Variants in PJA2 observed in about 807,000 individuals in gnomAD.
PJA2 encodes praja ring finger ubiquitin ligase 2, also known as E3 ubiquitin-protein ligase Praja-2.
PJA2 carries 25 observed loss-of-function variants against 69.3 expected under a neutral mutation model. The ratio of observed to expected loss-of-function variants is 0.36; its 90% confidence interval spans 0.26 to 0.50. The LOEUF is 0.50. PJA2 is among the 20% of genes least tolerant of loss of function. The pLI is 0.96. For synonymous variants in PJA2, 308 were observed against 277.8 expected (o/e 1.11, Z -1.08); for missense variants, 809 against 830.2 (o/e 0.97, Z 0.31).
At chr5:109,368,957 G>A (rs182427474) in intron 4 of PJA2, among the ~76,000 whole-genome samples, 1 of 152,164 alleles carries the variant, frequency 6.6e-6, no homozygotes, top group African/African-American at 2.4e-5. Context: ...CCTTGGTACT[G>A]TTCTTGTGAT....
intron 7 of PJA2, among the ~76,000 whole-genome samples, chr5:109,346,068 C>CG (rs1762168724): frequency 6.6e-6 from 1 of 152,212 alleles, no homozygotes; most frequent in South Asian, 2.1e-4. Flanking sequence ...TCTGGGACTG[C>CG]ATAAGTCCTG....
chr5:109,399,571 T>C (rs1427029989), intron 1 of PJA2, among the ~76,000 whole-genome samples: 1 of 152,150 alleles, frequency 6.6e-6, no homozygotes, highest in Admixed American at 6.5e-5. Context: ...TCCAAACCCA[T>C]CTCAATCACG....
intron 4 of PJA2, among the ~76,000 whole-genome samples, chr5:109,371,589 A>C (rs1762676739): frequency 3.3e-5 from 5 of 152,180 alleles, no homozygotes; most frequent in Admixed American, 3.3e-4. Context: ...TCAATTATTA[A>C]TTGGTGTTCC....
chr5:109,406,415 G>A (rs1283213105), intron 1 of PJA2, among the ~76,000 whole-genome samples: 1 of 152,136 alleles, frequency 6.6e-6, no homozygotes, highest in Non-Finnish European at 1.5e-5. Flanking sequence ...ACATACACTA[G>A]AGCAAATTCT....
chr5:109,350,099 A>G (rs1214005943), intron 7 of PJA2, among the ~76,000 whole-genome samples: 3 of 152,152 alleles, frequency 2.0e-5, no homozygotes, highest in African/African-American at 7.2e-5. Context: ...GTTTGTCTCA[A>G]TGGGTTCATT....
At chr5:109,343,143 T>C (rs1476507701) in intron 9 of PJA2, among the ~76,000 whole-genome samples, 2 of 117,906 alleles carry the variant, frequency 1.7e-5, no homozygotes, top group African/African-American at 3.5e-5. Context: ...TGGGAGACTT[T>C]TCATTTTGTT....
chr5:109,383,533 A>C lies in PJA2; in HGVS notation c.-87-13T>G. ...CCGCAGAAGATTCCTACAAAGAAACAATGAATTGAACAATATATTAATAAA... is the reference window on the plus strand; with the variant it reads ...CCGCAGAAGATTCCTACAAAGAAACCATGAATTGAACAATATATTAATAAA... On this transcript the variant is annotated splice_polypyrimidine_tract_variant and intron_variant, in intron 1 of 9. Coordinates refer to ENST00000361189, the MANE Select transcript of PJA2 (RefSeq NM_014819.5). 1 of 955,748 alleles carries C rather than the reference A, an allele frequency of 1.0e-6. No individual in the cohort carries two copies. Among genetic ancestry groups the C allele is most frequent in the Non-Finnish European group, 1.6e-6 (1 of 619,840 alleles). 59.2% of individuals were successfully genotyped at this position (955,748 alleles called of 1,614,324 possible).
At chr5:109,343,286 AAAAAAAG>A (rs1554052923) in intron 9 of PJA2, among the ~76,000 whole-genome samples, 4 of 96,970 alleles carry the variant, frequency 4.1e-5, no homozygotes, top group African/African-American at 1.3e-4. Context: ...AAAAAAAAAA[AAAAAAAG>A]AAAGAAAGAA....
intron 7 of PJA2, among the ~76,000 whole-genome samples, chr5:109,355,259 C>G (rs1286788778): frequency 1.3e-5 from 2 of 152,078 alleles, no homozygotes; most frequent in African/African-American, 4.8e-5. Flanking sequence ...ATTTCTGTAC[C>G]TATATTTTGG....
chr5:109,338,470 T>A (rs560695311), intron 9 of PJA2, among the ~76,000 whole-genome samples: 1 of 151,916 alleles, frequency 6.6e-6, no homozygotes, highest in African/African-American at 2.4e-5. Context: ...TGAAACCCCG[T>A]CTGTACTAAA....
intron 7 of PJA2, among the ~76,000 whole-genome samples, chr5:109,354,500 A>ATAGAT (rs1762370810): frequency 2.8e-5 from 1 of 35,232 alleles, no homozygotes; most frequent in African/African-American, 1.8e-4. Context: ...CTATAATATC[A>ATAGAT]TAGATATCTA....
chr5:109,380,673 C>T (rs1351593358), intron 3 of PJA2, among the ~76,000 whole-genome samples: 10 of 151,598 alleles, frequency 6.6e-5, no homozygotes, highest in South Asian at 2.1e-4. Context: ...GGCGTGGAGG[C>T]GCATGCCTGT....
Position 109,344,711 on chromosome 5 carries a change from G to C in PJA2, c.1873C>G (p.His625Asp), listed in dbSNP as rs1352585132. The C allele has an allele frequency of 2.5e-6, 4 of 1,610,698 alleles. No homozygotes were observed. Among genetic ancestry groups the C allele is most frequent in the Non-Finnish European group, 2.5e-6 (3 of 1,177,424 alleles). The change falls in exon 8 of 10, where the codon CAC becomes GAC. Residue 625 changes from histidine to aspartate, a missense_variant. His to Asp is a moderately conservative substitution (Grantham distance 81). Around this residue, in one of 4 missense-constraint regions of PJA2, gnomAD observed 55 missense variants for 90.7 expected, o/e 0.61. Transcript: ENST00000361189. ...GLPETLVLED[H>D]TAIGQEQCCP... is the part of the protein sequence containing the mutation. ...AGATCAACTTTGCCCTTACCAGTGT[G>C]ATCTTCAAGAACAAGGGTCTCTGGA...
chr5:109,393,289 C>T (rs1330041205), intron 1 of PJA2, among the ~76,000 whole-genome samples: 1 of 152,150 alleles, frequency 6.6e-6, no homozygotes, highest in Admixed American at 6.5e-5. Flanking sequence ...GTTATCATTA[C>T]ACACCGGAGA....
At chr5:109,380,086 CTTTTTTTTTT>C (rs35217352) in intron 3 of PJA2, among the ~76,000 whole-genome samples, 3 of 74,218 alleles carry the variant, frequency 4.0e-5, no homozygotes, top group African/African-American at 1.5e-4. Flanking sequence ...ACGAAGGGTT[CTTTTTTTTTT>C]TTTTTTTTTT....
intron 1 of PJA2, among the ~76,000 whole-genome samples, chr5:109,403,092 G>A (rs1747598266): frequency 6.6e-6 from 1 of 151,800 alleles, no homozygotes; most frequent in Non-Finnish European, 1.5e-5. Context: ...AGTTGACTCT[G>A]AAAAGATTAA....
intron 7 of PJA2, among the ~76,000 whole-genome samples, chr5:109,346,296 TC>T (rs1762171428): frequency 6.6e-6 from 1 of 152,164 alleles, no homozygotes; most frequent in South Asian, 2.1e-4. Context: ...AAACTGGGCC[TC>T]CCCTCCTGGT....
At chr5:109,391,861 A>G (rs1000289645) in intron 1 of PJA2, among the ~76,000 whole-genome samples, 1 of 152,236 alleles carries the variant, frequency 6.6e-6, no homozygotes, top group Admixed American at 6.5e-5. Flanking sequence ...TTGAAAGGAT[A>G]TCGTTTACAA....
intron 1 of PJA2, among the ~76,000 whole-genome samples, chr5:109,405,958 G>C (rs1032045433): frequency 7.9e-5 from 12 of 151,064 alleles, no homozygotes; most frequent in Non-Finnish European, 1.6e-4. Flanking sequence ...CAGTGTGTGT[G>C]TGTGTTTATG....
Sources: allele counts gnomAD v4.1 joint callset (sites outside exome capture counted in the v4.1 genomes callset), GRCh38; gene constraint gnomAD v4.1.1; regional missense constraint gnomAD v4.1.1; transcripts MANE v1.5; gene names NCBI Gene and HGNC (gene_info 2026-07-23, HGNC 2026-07-21).